Variants in VAV1 observed in about 807,000 individuals in gnomAD.
The protein encoded by VAV1 is proto-oncogene vav.
A neutral mutation model predicts 128.1 loss-of-function variants in VAV1; 33 were observed. The observed-to-expected ratio is 0.26, with a 90% CI of 0.20 to 0.34. The LOEUF is 0.34. VAV1 is among the 10% of genes least tolerant of loss of function. VAV1 has a pLI of 1.00. For missense variants in VAV1, 715 were observed against 1,093.7 expected (o/e 0.65, Z 4.88); for synonymous variants, 394 against 409.8 (o/e 0.96, Z 0.47).
intron 9 of VAV1, among the ~76,000 whole-genome samples, chr19:6,827,550 A>T (rs541002259): frequency 6.6e-6 from 1 of 152,196 alleles, no homozygotes; most frequent in Non-Finnish European, 1.5e-5. Flanking sequence ...CTAGGATTAC[A>T]GGCCTGAGCA....
intron 1 of VAV1, among the ~76,000 whole-genome samples, chr19:6,786,192 A>G (rs545290109): frequency 1.4e-5 from 2 of 144,204 alleles, no homozygotes; most frequent in African/African-American, 5.4e-5. Flanking sequence ...CACCTGGCAC[A>G]TAGTACGGAA....
At chr19:6,832,829 T>C (rs1159600669) in intron 15 of VAV1, among the ~76,000 whole-genome samples, 1 of 152,154 alleles carries the variant, frequency 6.6e-6, no homozygotes, top group Non-Finnish European at 1.5e-5. Context: ...TCTAACAATT[T>C]CGAAGTGTAT....
chr19:6,798,916 C>T, intron 1 of VAV1, among the ~76,000 whole-genome samples: 1 of 140,882 alleles, frequency 7.1e-6, no homozygotes, highest in Non-Finnish European at 1.5e-5. Context: ...CCCCTCCCTG[C>T]CTCCCCCTCC....
chr19:6,840,727 C>T (rs1972353171), intron 21 of VAV1, among the ~76,000 whole-genome samples: 1 of 151,732 alleles, frequency 6.6e-6, no homozygotes, highest in Non-Finnish European at 1.5e-5. Context: ...ACTTCAGCCT[C>T]CTGAGTAGCT....
Position 6,826,735 on chromosome 19 carries a change from G to C in VAV1, c.927+24G>C, listed in dbSNP as rs1275948899. On this transcript the variant is annotated intron_variant, in intron 9 of 26. Coordinates refer to ENST00000602142, the MANE Select transcript of VAV1 (RefSeq NM_005428.4). This position sits in a 1 kb window ranked among gnomAD's most constrained non-coding sequence, Gnocchi z 4.1. ...AGGTGGGCGCCGGGCCACTTCTCGG[G>C]GGCCTCTCCCGCTCCTCCCCAGGCC... The C allele has an allele frequency of 6.5e-7, 1 of 1,526,926 alleles. No homozygotes were observed. The highest frequency in any genetic ancestry group is 8.8e-7 in the Non-Finnish European group (1 of 1,136,256). The allele number at this position is 1,526,926 out of a possible 1,614,324, so 94.6% of individuals were successfully genotyped here.
At chr19:6,852,106 TG>T (rs1323495433) in intron 24 of VAV1, among the ~76,000 whole-genome samples, 1 of 152,184 alleles carries the variant, frequency 6.6e-6, no homozygotes. Flanking sequence ...TTCAAACCCC[TG>T]GGCTCAGGCG....
chr19:6,787,972 G>A (rs1448275418), intron 1 of VAV1, among the ~76,000 whole-genome samples: 1 of 152,050 alleles, frequency 6.6e-6, no homozygotes, highest in Admixed American at 6.6e-5. Context: ...AGCTACTTGG[G>A]AGGCTGAGGC....
At chr19:6,818,674 T>G (rs770092750) in intron 1 of VAV1, among the ~76,000 whole-genome samples, 11 of 152,304 alleles carry the variant, frequency 7.2e-5, no homozygotes, top group Non-Finnish European at 1.2e-4. Context: ...GTCATCTGTG[T>G]GGGCCCTAAT....
intron 1 of VAV1, among the ~76,000 whole-genome samples, chr19:6,810,368 C>A (rs1395016079): frequency 2.0e-5 from 3 of 152,096 alleles, no homozygotes; most frequent in African/African-American, 4.8e-5. Context: ...ACTTTCAAAA[C>A]ACTTAGATTC....
intron 1 of VAV1, among the ~76,000 whole-genome samples, chr19:6,803,128 C>A (rs1028398421): frequency 2.0e-5 from 3 of 152,102 alleles, no homozygotes; most frequent in African/African-American, 4.8e-5. Flanking sequence ...AATTCCAGGG[C>A]GAGCTGGAGG....
intron 1 of VAV1, among the ~76,000 whole-genome samples, chr19:6,805,108 G>A (rs1280527929): frequency 6.6e-6 from 1 of 151,914 alleles, no homozygotes; most frequent in East Asian, 1.9e-4. Context: ...GTAACTTTTG[G>A]GTGATCAGGT....
chr19:6,829,936 G>C lies in VAV1; in HGVS notation c.1398+18G>C. On this transcript the variant is annotated intron_variant, in intron 14 of 26. Transcript: ENST00000602142. ...ACAAGAAGGTGGGGCTTTGACGCCG[G>C]AACTATGGGGTCCTCCACGCAGTCG... 1 of 1,613,920 alleles carries C rather than the reference G, an allele frequency of 6.2e-7. No homozygotes were observed.
chr19:6,791,528 G>A (rs1417881097), intron 1 of VAV1, among the ~76,000 whole-genome samples: 1 of 152,148 alleles, frequency 6.6e-6, no homozygotes, highest in Non-Finnish European at 1.5e-5. Flanking sequence ...AGGTCCTTGA[G>A]CTATGTCCTC....
At chr19:6,840,551 G>A (rs939623722) in intron 21 of VAV1, among the ~76,000 whole-genome samples, 5 of 151,384 alleles carry the variant, frequency 3.3e-5, no homozygotes, top group Admixed American at 2.0e-4. Flanking sequence ...CTCCCGCTTC[G>A]GCTTCCCAAA....
At chr19:6,783,195 AAAAC>A (rs1349973698) in intron 1 of VAV1, among the ~76,000 whole-genome samples, 3 of 152,150 alleles carry the variant, frequency 2.0e-5, no homozygotes, top group East Asian at 3.9e-4. Context: ...AACAAAAACA[AAAAC>A]AAACAAAACC....
intron 19 of VAV1, 65 bp from the exon 20 acceptor site, chr19:6,836,367 G>A: frequency 6.4e-7 from 1 of 1,555,528 alleles, no homozygotes; most frequent in Non-Finnish European, 8.7e-7. Context: ...ATTCTCGTGG[G>A]TGGCAAGATT....
rs192194573 is a variant in VAV1 at position 6,790,707 on chromosome 19, T to C, written c.204+17696T>C. Among the ~76,000 whole-genome samples the C allele has an allele frequency of 3.0e-3, 452 of 152,334 alleles. 2 individuals carry two copies. Among genetic ancestry groups the C allele is most frequent in the Non-Finnish European group, 5.2e-3 (354 of 68,014 alleles). The stretch of plus-strand genomic sequence containing the variant: ...TTCCTTGCAGAGCAGGGCTACCCCA[T>C]TGGCAGTGAGCCCAGAGTAGCAGCT... On this transcript the variant is annotated intron_variant, in intron 1 of 26. Transcript: ENST00000602142.
At position 6,844,981 on chromosome 19, in the gene VAV1, T is replaced by C. The variant is rs186143536; in HGVS notation, c.2012+1815T>C. Among the ~76,000 whole-genome samples the C allele has an allele frequency of 9.8e-3, 1,490 of 152,178 alleles. 11 individuals are homozygous for C. The highest frequency in any genetic ancestry group is 0.02 in the Middle Eastern group (6 of 294). On this transcript the variant is annotated intron_variant, in intron 22 of 26. Transcript: ENST00000602142. ...AGGTGAGTCGGGCAGTCAGATTCTGTCTTTATTCAAAATGTTGATGTTTGT... is the reference window on the plus strand; with the variant it reads ...AGGTGAGTCGGGCAGTCAGATTCTGCCTTTATTCAAAATGTTGATGTTTGT...
intron 6 of VAV1, among the ~76,000 whole-genome samples, chr19:6,823,720 T>C (rs1324785119): frequency 6.6e-6 from 1 of 152,050 alleles, no homozygotes; most frequent in African/African-American, 2.4e-5. Flanking sequence ...CTCTCCTTTG[T>C]AGCTCTTTAT....
Sources: allele counts gnomAD v4.1 joint callset (sites outside exome capture counted in the v4.1 genomes callset), GRCh38; gene constraint gnomAD v4.1.1; non-coding constraint Gnocchi (gnomAD v3.1); transcripts MANE v1.5; gene names NCBI Gene and HGNC (gene_info 2026-07-23, HGNC 2026-07-21).